Variants in S100A5 observed in about 807,000 individuals in gnomAD.
S100A5 encodes the protein protein S100-A5.
S100A5 carries 5 observed loss-of-function variants against 6.7 expected under a neutral mutation model. That is an observed-to-expected ratio of 0.75 (90% CI 0.39 to 1.57). The LOEUF (loss-of-function observed/expected upper bound fraction) is 1.57, where lower values mean the gene tolerates loss of function less well. Ranked by LOEUF, S100A5 falls within the 40% of genes most tolerant of loss-of-function variation. S100A5 has a pLI of 0.03. For missense variants in S100A5, 129 were observed against 110.8 expected (o/e 1.16, Z -0.74); for synonymous variants, 49 against 44.9 (o/e 1.09, Z -0.37).
At chr1:153,539,713 C>A (rs1665323224) in intron 2 of S100A5, among the ~76,000 whole-genome samples, 1 of 151,934 alleles carries the variant, frequency 6.6e-6, no homozygotes, top group Non-Finnish European at 1.5e-5. Flanking sequence ...TTGTACACAG[C>A]TGGACCTGGA....
upstream of S100A5, among the ~76,000 whole-genome samples, chr1:153,542,576 A>G (rs186281447): frequency 2.8e-3 from 432 of 152,290 alleles, 3 homozygotes; most frequent in Middle Eastern, 0.01. Flanking sequence ...CCATGTGATG[A>G]GAGGAAAGAG....
intron 2 of S100A5, among the ~76,000 whole-genome samples, chr1:153,539,120 A>G (rs1050175208): frequency 6.6e-5 from 10 of 151,448 alleles, no homozygotes; most frequent in Non-Finnish European, 1.5e-4. Flanking sequence ...ACAGAGTGAG[A>G]CTCTGTCTCA....
chr1:153,538,771 C>G (rs1467584492), intron 2 of S100A5, among the ~76,000 whole-genome samples: 1 of 152,184 alleles, frequency 6.6e-6, no homozygotes, highest in Non-Finnish European at 1.5e-5. Flanking sequence ...AGCTCAGCCT[C>G]CCACTAGCGG....
chr1:153,538,492 G>A (rs1290502134), intron 2 of S100A5, among the ~76,000 whole-genome samples: 5 of 152,182 alleles, frequency 3.3e-5, no homozygotes, highest in African/African-American at 4.8e-5. Flanking sequence ...CCTCCTCTGG[G>A]CGTCTCTCCT....
Position 153,538,769 on chromosome 1 carries a change from C to T in S100A5, c.138+1285G>A, listed in dbSNP as rs368289166. On this transcript the variant is annotated intron_variant, in intron 2 of 2. Transcript: ENST00000368717. The stretch of plus-strand genomic sequence containing the variant: ...GCCTGGCCCAGAACTCCAGCTCAGC[C>T]TCCCACTAGCGGATTGTCCTTAGGC... Among the ~76,000 whole-genome samples, 5 of 152,320 alleles carry T rather than the reference C, an allele frequency of 3.3e-5. No individual in the cohort carries two copies. In the East Asian group the frequency reaches 9.6e-4, roughly 29 times the overall value.
At chr1:153,539,009 A>G (rs1665280825) in intron 2 of S100A5, among the ~76,000 whole-genome samples, 1 of 152,130 alleles carries the variant, frequency 6.6e-6, no homozygotes. Context: ...ATTTGCTTGT[A>G]GTCCTAGCTT....
Position 153,537,218 on chromosome 1 carries a change from G to C in S100A5, c.*78C>G. 2.0e-6 allele frequency: 3 copies of C among 1,523,710 alleles called. No homozygotes were observed. Among genetic ancestry groups the C allele is most frequent in the Non-Finnish European group, 1.8e-6 (2 of 1,110,840 alleles). The allele number at this position is 1,523,710 out of a possible 1,614,324, so 94.4% of individuals were successfully genotyped here. A position where few individuals can be genotyped will look rare whatever the true frequency, so the allele number is the denominator to read the frequency against. ...CATCTGGGAGGGAGAGGAGGGCAGG[G>C]GGCCAAAGAGGGTCTGTGAGAGGAG... On this transcript the variant is annotated 3_prime_UTR_variant, in exon 3 of 3. Transcript: ENST00000368717.
chr1:153,538,180 C>G (rs1665249087), intron 2 of S100A5, among the ~76,000 whole-genome samples: 1 of 152,210 alleles, frequency 6.6e-6, no homozygotes, highest in South Asian at 2.1e-4. Context: ...GAGCAGTGCA[C>G]TGGGGCTGTG....
At chr1:153,537,493 C>T in intron 2 of S100A5, 57 bp from the exon 3 acceptor site, 1 of 1,601,716 alleles carries the variant, frequency 6.2e-7, no homozygotes, top group Non-Finnish European at 8.5e-7. Flanking sequence ...CCTGCCCTCG[C>T]ACCACTGCAT....
intron 2 of S100A5, among the ~76,000 whole-genome samples, chr1:153,538,867 G>T (rs1665276430): frequency 6.6e-6 from 1 of 152,124 alleles, no homozygotes; most frequent in Non-Finnish European, 1.5e-5. Flanking sequence ...AGTGGCTCAT[G>T]CCTGTAATTT....
intron 2 of S100A5, among the ~76,000 whole-genome samples, chr1:153,538,618 T>C (rs1665268956): frequency 6.6e-6 from 1 of 152,160 alleles, no homozygotes; most frequent in South Asian, 2.1e-4. Context: ...CATACCTGCT[T>C]CTGTCCCCTG....
At chr1:153,539,473 A>T (rs28376001) in intron 2 of S100A5, among the ~76,000 whole-genome samples, 2,098 of 114,980 alleles carry the variant, frequency 0.018, 111 homozygotes, top group African/African-American at 0.076. Context: ...ATATATATAT[A>T]TATTTATTTA....
chr1:153,541,671 CA>C, upstream of S100A5: 1 of 1,142,548 alleles, frequency 8.8e-7, no homozygotes, highest in Non-Finnish European at 1.1e-6. Flanking sequence ...CTCTTCTGAC[CA>C]AAAATCAGAA....
At chr1:153,543,225 T>C (rs1665446042), upstream of S100A5, 1 of 985,218 alleles carries the variant, frequency 1.0e-6, no homozygotes, top group Admixed American at 6.2e-5. Flanking sequence ...CCTTATTCTT[T>C]TCCCTCCGAC....
intron 2 of S100A5, among the ~76,000 whole-genome samples, chr1:153,538,078 G>T (rs1665244741): frequency 1.3e-5 from 2 of 152,150 alleles, no homozygotes; most frequent in Non-Finnish European, 2.9e-5. Flanking sequence ...TGCTGATTAT[G>T]TGGCATTGAG....
chr1:153,543,363 G>A (rs1447006520), upstream of S100A5: 1 of 883,254 alleles, frequency 1.1e-6, no homozygotes, highest in African/African-American at 1.8e-5. Context: ...TAAGTGGGCT[G>A]GCTGAGATCC....
intron 2 of S100A5, 62 bp from the exon 3 acceptor site, chr1:153,537,498 C>T: frequency 6.3e-7 from 1 of 1,593,638 alleles, no homozygotes; most frequent in Non-Finnish European, 8.6e-7. Context: ...CCTCGCACCA[C>T]TGCATGGTGT....
At chr1:153,537,658 A>G (rs1665228945) in intron 2 of S100A5, among the ~76,000 whole-genome samples, 1 of 152,182 alleles carries the variant, frequency 6.6e-6, no homozygotes, top group African/African-American at 2.4e-5. Context: ...ATGGAAATAA[A>G]TGACAGCAGG....
upstream of S100A5, chr1:153,541,958 T>C: frequency 1.1e-6 from 1 of 917,774 alleles, no homozygotes; most frequent in Non-Finnish European, 1.3e-6. Context: ...AAAGGGCTTT[T>C]AAATGAACGA....
Sources: gnomAD v4.1 joint callset for allele counts (sites outside exome capture counted in the v4.1 genomes callset) on GRCh38, gnomAD v4.1.1 for gene constraint, MANE v1.5 for transcripts, NCBI Gene and HGNC (gene_info 2026-07-23, HGNC 2026-07-21) for gene names.